ESYT2: variants seen among roughly 807,000 people sequenced by gnomAD.
ESYT2 encodes extended synaptotagmin-2.
A neutral mutation model predicts 107.2 loss-of-function variants in ESYT2; 54 were observed. That is an observed-to-expected ratio of 0.50 (90% confidence interval 0.40 to 0.63). The LOEUF is 0.63. ESYT2 is among the 30% of genes least tolerant of loss of function. ESYT2 has a pLI of 0.00. For synonymous variants in ESYT2, 491 were observed against 434.1 expected (o/e 1.13, Z -1.63); for missense variants, 1,020 against 1,094.5 (o/e 0.93, Z 0.96).
intron 16 of ESYT2, among the ~76,000 whole-genome samples, chr7:158,747,805 T>C (rs1837454557): frequency 6.6e-6 from 1 of 152,212 alleles, no homozygotes; most frequent in Non-Finnish European, 1.5e-5. Flanking sequence ...CTTTTATCAA[T>C]GTCTTACTCA....
rs116227638 is a variant in ESYT2 at position 158,734,358 on chromosome 7, A to G, written c.2555+64T>C. On this transcript the variant is annotated intron_variant, in intron 22 of 22. Coordinates refer to ENST00000275418, the MANE Select transcript of ESYT2 (RefSeq NM_001367773.1). ...CCACTGTCTGTGGGGGACACTACCCACTGGGCGGGGAAAGCGTTTTTAGCT... is the reference window on the plus strand; with the variant it reads ...CCACTGTCTGTGGGGGACACTACCCGCTGGGCGGGGAAAGCGTTTTTAGCT... 2.4e-3 allele frequency: 3,792 copies of G among 1,611,706 alleles called. 65 individuals carry two copies. In the African/African-American group the frequency reaches 0.045, roughly 19 times the overall value.
In ESYT2 at chr7:158,795,700, A is replaced by C. The variant is rs1839437338; in HGVS notation, c.508-1974T>G. 2.0e-5 allele frequency among the ~76,000 whole-genome samples: 3 copies of C among 151,994 alleles called. No homozygotes were observed. In the South Asian group the frequency reaches 6.2e-4, roughly 32 times the overall value. On this transcript the variant is annotated intron_variant, in intron 3 of 22. Coordinates refer to ENST00000275418, the MANE Select transcript of ESYT2 (RefSeq NM_001367773.1). ...TTAACCTGCACTCACATGGCACTTT[A>C]ACTTGTAATTGTGTTTTTTCCCATC...
intron 1 of ESYT2, among the ~76,000 whole-genome samples, chr7:158,822,460 G>A (rs958477170): frequency 3.3e-5 from 5 of 152,050 alleles, no homozygotes; most frequent in Non-Finnish European, 5.9e-5. Flanking sequence ...TATAGCATCC[G>A]TGTTTAAGGG....
At chr7:158,739,213 T>C in intron 18 of ESYT2, 92 bp from the exon 19 acceptor site, 1 of 1,103,190 alleles carries the variant, frequency 9.1e-7, no homozygotes, top group Non-Finnish European at 1.3e-6. Context: ...ATAATTTCTA[T>C]TCATTTAGAC....
At chr7:158,758,197 C>G (rs985242474) in intron 13 of ESYT2, among the ~76,000 whole-genome samples, 3 of 152,190 alleles carry the variant, frequency 2.0e-5, no homozygotes, top group Middle Eastern at 3.2e-3. Flanking sequence ...AGAGTACAAT[C>G]ACATCCTCCC....
At chr7:158,765,074 G>C (rs941331627) in intron 8 of ESYT2, among the ~76,000 whole-genome samples, 12 of 152,188 alleles carry the variant, frequency 7.9e-5, no homozygotes, top group African/African-American at 2.9e-4. Flanking sequence ...CAGTGCCCAG[G>C]TGAGGCTGGC....
At chr7:158,812,387 TG>T (rs1274740428) in intron 1 of ESYT2, among the ~76,000 whole-genome samples, 2 of 152,102 alleles carry the variant, frequency 1.3e-5, no homozygotes, top group Non-Finnish European at 2.9e-5. Context: ...ATCGGGGAGA[TG>T]TAAGTCAGAG....
chr7:158,815,497 G>T (rs1249934184), intron 1 of ESYT2, among the ~76,000 whole-genome samples: 1 of 151,950 alleles, frequency 6.6e-6, no homozygotes, highest in African/African-American at 2.4e-5. Flanking sequence ...TTAGATATGT[G>T]TCCCCAGTCC....
At chr7:158,814,268 C>T (rs184649426) in intron 1 of ESYT2, among the ~76,000 whole-genome samples, 1,946 of 124,150 alleles carry the variant, frequency 0.016, 62 homozygotes, top group African/African-American at 0.058. Context: ...AGCGAGACTC[C>T]GTCTCAAAAA....
At chr7:158,784,389 G>T (rs1390341528) in intron 6 of ESYT2, among the ~76,000 whole-genome samples, 1 of 152,206 alleles carries the variant, frequency 6.6e-6, no homozygotes, top group African/African-American at 2.4e-5. Flanking sequence ...GCTGGTCCAG[G>T]GGTCGGTATC....
chr7:158,738,356 C>A (rs1215145623), intron 19 of ESYT2, among the ~76,000 whole-genome samples: 87 of 150,128 alleles, frequency 5.8e-4, no homozygotes, highest in Middle Eastern at 3.4e-3. Flanking sequence ...CACACACACA[C>A]ACACACACAC....
At chr7:158,791,200 G>A (rs567865909) in intron 4 of ESYT2, among the ~76,000 whole-genome samples, 5 of 152,198 alleles carry the variant, frequency 3.3e-5, no homozygotes, top group African/African-American at 9.6e-5. Flanking sequence ...TTATGCAGAC[G>A]CTGTCCCTTT....
intron 19 of ESYT2, among the ~76,000 whole-genome samples, chr7:158,738,320 A>G (rs1465917199): frequency 9.1e-6 from 1 of 110,138 alleles, no homozygotes; most frequent in East Asian, 3.7e-4. Context: ...TCCAAAAAAA[A>G]AAAAAAATAC....
At position 158,764,681 on chromosome 7, in the gene ESYT2, T is replaced by A. The variant is rs34213199; in HGVS notation, c.1097A>T (p.Tyr366Phe). Residue 366 changes from tyrosine to phenylalanine, a missense_variant, in exon 9 of 23, where the codon TAT (tyrosine) becomes TTT (phenylalanine). Transcript: ENST00000275418. ...ENLSPKWNEV[Y>F]EALVYEHPGQ... is the part of the protein sequence containing the mutation. ...ACAGCAGACACGACACCCCACCTCA[T>A]AGACTTCATTCCACTTTGGACTGAG... is the stretch of plus-strand genomic sequence containing the variant. 1 of 1,613,960 alleles carries A rather than the reference T, an allele frequency of 6.2e-7. No homozygotes were observed. Among genetic ancestry groups the A allele is most frequent in the Non-Finnish European group, 8.5e-7 (1 of 1,179,886 alleles).
intron 16 of ESYT2, among the ~76,000 whole-genome samples, chr7:158,744,901 A>G (rs1261906874): frequency 6.6e-6 from 1 of 152,226 alleles, no homozygotes; most frequent in African/African-American, 2.4e-5. Context: ...TGAAATAACT[A>G]TGACAATGTT....
Position 158,735,570 on chromosome 7 carries a change from C to T in ESYT2, c.2438G>A (p.Arg813Lys). 1 of 1,614,070 alleles carries T rather than the reference C, an allele frequency of 6.2e-7. No homozygotes were observed. Among genetic ancestry groups the T allele is most frequent in the Non-Finnish European group, 8.5e-7 (1 of 1,179,948 alleles). Residue 813 changes from arginine to lysine, a missense_variant, in exon 21 of 23, where the codon AGA (arginine) becomes AAA (lysine). Transcript: ENST00000275418. ...GTTCTTCACGGCAACGTCGAGCGTT[C>T]TCCTCTGCACTTCTGGTAACGAAAC... ...FSVSLPEVQR[R>K]TLDVAVKNSG...
intron 6 of ESYT2, among the ~76,000 whole-genome samples, chr7:158,784,669 A>G (rs1839046112): frequency 6.6e-6 from 1 of 152,214 alleles, no homozygotes; most frequent in South Asian, 2.1e-4. Flanking sequence ...TGAGACATCA[A>G]TATATGCTAT....
At chr7:158,808,979 AAACAACAAC>A (rs1027101923) in intron 1 of ESYT2, among the ~76,000 whole-genome samples, 2 of 151,990 alleles carry the variant, frequency 1.3e-5, no homozygotes, top group Non-Finnish European at 2.9e-5. Context: ...CTATCTCAGA[AAACAACAAC>A]AACAACAAAA....
At chr7:158,791,436 T>C (rs879936937) in intron 4 of ESYT2, among the ~76,000 whole-genome samples, 1 of 152,240 alleles carries the variant, frequency 6.6e-6, no homozygotes, top group Non-Finnish European at 1.5e-5. Context: ...CTTTCGGGTA[T>C]GTACACAGAG....
Sources: allele counts gnomAD v4.1 joint callset (sites outside exome capture counted in the v4.1 genomes callset), GRCh38; gene constraint gnomAD v4.1.1; transcripts MANE v1.5; gene names NCBI Gene and HGNC (gene_info 2026-07-23, HGNC 2026-07-21).